Variants in SEC63 observed in about 807,000 individuals in gnomAD.
The protein encoded by SEC63 is translocation protein SEC63 homolog.
SEC63 carries 56 observed loss-of-function variants against 116.2 expected under a neutral mutation model. That is an observed-to-expected ratio of 0.48 (90% confidence interval 0.39 to 0.60). The LOEUF (loss-of-function observed/expected upper bound fraction) is 0.60, where lower values mean the gene tolerates loss of function less well. SEC63 is among the 20% of genes least tolerant of loss of function. The pLI is 0.00. For missense variants in SEC63, 668 were observed against 900.0 expected (o/e 0.74, Z 3.30); for synonymous variants, 273 against 294.6 (o/e 0.93, Z 0.75).
intron 14 of SEC63, among the ~76,000 whole-genome samples, chr6:107,896,366 T>C (rs897802972): frequency 2.0e-5 from 3 of 151,696 alleles, no homozygotes; most frequent in Non-Finnish European, 4.4e-5. Context: ...AGAGAGAGAC[T>C]GAGGCAGAAG....
At position 107,902,947 on chromosome 6, in the gene SEC63, A is replaced by G. The variant is rs1224411813; in HGVS notation, c.1106T>C (p.Leu369Pro). 1 of 1,614,084 alleles carries G rather than the reference A, an allele frequency of 6.2e-7. No individual in the cohort carries two copies. Among genetic ancestry groups the G allele is most frequent in the African/African-American group, 1.3e-5 (1 of 75,034 alleles). ...AAGTCCCTGAACGGCCATCTGAGAA[A>G]GCTTCATGCAGTTTTCTAGGGATGC... ...TLASLENCMK[L>P]SQMAVQGLQQ... is the part of the protein sequence containing the mutation. Residue 369 changes from leucine to proline, a missense_variant, in exon 12 of 21, where the codon CTT (leucine) becomes CCT (proline). Coordinates refer to ENST00000369002, the MANE Select transcript of SEC63 (RefSeq NM_007214.5).
intron 1 of SEC63, among the ~76,000 whole-genome samples, chr6:107,937,392 C>T (rs1347674360): frequency 6.6e-6 from 1 of 152,154 alleles, no homozygotes; most frequent in African/African-American, 2.4e-5. Flanking sequence ...TCCCAAAGTG[C>T]TGGGATTACA....
At chr6:107,888,139 G>C (rs562950586) in intron 16 of SEC63, among the ~76,000 whole-genome samples, 79 of 152,262 alleles carry the variant, frequency 5.2e-4, no homozygotes, top group Non-Finnish European at 1.0e-3. Context: ...GAAAGTCAAT[G>C]GTAGCTTGAT....
intron 16 of SEC63, 31 bp from the exon 17 acceptor site, chr6:107,883,177 G>A (rs759151150): frequency 6.2e-7 from 1 of 1,608,584 alleles, no homozygotes; most frequent in East Asian, 2.2e-5. Flanking sequence ...CAAAGATTCT[G>A]CATATCTCAA....
intron 1 of SEC63, among the ~76,000 whole-genome samples, chr6:107,944,250 T>C (rs926831055): frequency 2.6e-5 from 4 of 152,116 alleles, no homozygotes; most frequent in African/African-American, 7.2e-5. Context: ...TTGTGATTAA[T>C]TGAGATAAAG....
chr6:107,908,160 A>G (rs932555777), intron 8 of SEC63, among the ~76,000 whole-genome samples: 1 of 152,152 alleles, frequency 6.6e-6, no homozygotes, highest in African/African-American at 2.4e-5. Flanking sequence ...AGAAAAGTCC[A>G]TTTTGGTCCC....
At chr6:107,886,705 TTTG>T (rs558178638) in intron 16 of SEC63, among the ~76,000 whole-genome samples, 9 of 3,130 alleles carry the variant, frequency 2.9e-3, no homozygotes, top group Admixed American at 0.011. Flanking sequence ...GATGGAATTG[TTTG>T]TTTTTTTCCT....
chr6:107,898,757 AT>A lies in SEC63; in HGVS notation c.1358-1027del. Among the ~76,000 whole-genome samples the A allele has an allele frequency of 1.3e-5, 2 of 152,312 alleles. 1 individual carries two copies. Among genetic ancestry groups the A allele is most frequent in the Admixed American group, 1.3e-4 (2 of 15,304 alleles). The stretch of plus-strand genomic sequence containing the variant: ...ATATACCTTCCATTCAAATGTGATC[AT>A]TAATTCATTTTTTCTACAGATTTTA... On this transcript the variant is annotated intron_variant, in intron 13 of 20. Transcript: ENST00000369002.
intron 1 of SEC63, chr6:107,956,025 A>G (rs1292211307): frequency 7.1e-6 from 3 of 420,592 alleles, no homozygotes; most frequent in South Asian, 1.7e-5. Context: ...CAAGTCTGTA[A>G]GGCCAGCTAC....
intron 13 of SEC63, among the ~76,000 whole-genome samples, chr6:107,900,468 G>A (rs957595646): frequency 2.6e-5 from 4 of 151,964 alleles, no homozygotes; most frequent in Admixed American, 6.5e-5. Flanking sequence ...ATGGTGAAAC[G>A]CTGTCTCTAC....
chr6:107,911,751 C>G (rs1787289235), intron 6 of SEC63, among the ~76,000 whole-genome samples: 2 of 152,174 alleles, frequency 1.3e-5, no homozygotes, highest in African/African-American at 4.8e-5. Context: ...TTAACACCAG[C>G]AAAACAGTTT....
At chr6:107,912,796 T>C in intron 5 of SEC63, 22 bp from the exon 6 acceptor site, 1 of 1,579,828 alleles carries the variant, frequency 6.3e-7, no homozygotes, top group Non-Finnish European at 8.7e-7. Flanking sequence ...AAAATATCAG[T>C]TTCTGAAGAA....
Position 107,906,435 on chromosome 6 carries a change from G to A in SEC63, c.961+13C>T. The A allele has an allele frequency of 6.2e-7, 1 of 1,613,718 alleles. No individual in the cohort carries two copies. The highest frequency in any genetic ancestry group is 8.5e-7 in the Non-Finnish European group (1 of 1,179,724). On this transcript the variant is annotated intron_variant, in intron 10 of 20. Transcript: ENST00000369002. ...TCCCACTAAACCTCTGTAGATACCGGAATCACAAATACCTTCTTCAAGGGT... is the reference window on the plus strand; with the variant it reads ...TCCCACTAAACCTCTGTAGATACCGAAATCACAAATACCTTCTTCAAGGGT...
At chr6:107,920,425 C>CAAAAAAAAAAAAAAAAAAAAAAAAAA (rs34816965) in intron 4 of SEC63, among the ~76,000 whole-genome samples, 2 of 73,392 alleles carry the variant, frequency 2.7e-5, no homozygotes, top group African/African-American at 5.5e-5. Context: ...GACTCCGTCT[C>CAAAAAAAAAAAAAAAAAAAAAAAAAA]AAAAAAAAAA....
intron 1 of SEC63, among the ~76,000 whole-genome samples, chr6:107,950,251 G>A (rs555813760): frequency 4.0e-4 from 61 of 151,804 alleles, no homozygotes; most frequent in African/African-American, 1.4e-3. Flanking sequence ...AAACATTTAC[G>A]TATCTAATGA....
chr6:107,904,568 G>C, intron 11 of SEC63, 61 bp downstream of exon 11: 1 of 1,317,078 alleles, frequency 7.6e-7, no homozygotes, highest in Non-Finnish European at 1.1e-6. Context: ...AAAATATGAA[G>C]TACAATCTGC....
chr6:107,913,547 CAAGAAA>C, intron 4 of SEC63, 120 bp from the exon 5 acceptor site: 1 of 776,258 alleles, frequency 1.3e-6, no homozygotes, highest in Non-Finnish European at 2.3e-6. Flanking sequence ...TTCCATGAAT[CAAGAAA>C]AGTTTCTCTG....
chr6:107,950,273 T>C (rs1428039623), intron 1 of SEC63, among the ~76,000 whole-genome samples: 1 of 152,184 alleles, frequency 6.6e-6, no homozygotes, highest in Admixed American at 6.5e-5. Context: ...CATCAAAATG[T>C]ACAATGCAAA....
At chr6:107,918,458 G>A (rs1488089894) in intron 4 of SEC63, among the ~76,000 whole-genome samples, 3 of 152,082 alleles carry the variant, frequency 2.0e-5, no homozygotes, top group African/African-American at 7.2e-5. Context: ...AATTTCAGAG[G>A]CCGAGGTGGG....
Sources: gnomAD v4.1 joint callset for allele counts (sites outside exome capture counted in the v4.1 genomes callset) on GRCh38, gnomAD v4.1.1 for gene constraint, MANE v1.5 for transcripts, NCBI Gene and HGNC (gene_info 2026-07-23, HGNC 2026-07-21) for gene names.